CALN1: variants seen among roughly 807,000 people sequenced by gnomAD.
The protein encoded by CALN1 is calneuron 1.
Under a neutral mutation model 30.6 loss-of-function variants are expected in CALN1, and 17 were observed. The ratio of observed to expected loss-of-function variants is 0.56; its 90% CI spans 0.38 to 0.83. CALN1 has a LOEUF of 0.83. Among genes scored for constraint, CALN1 ranks in the 40% least tolerant of loss-of-function variants. The probability of loss-of-function intolerance (pLI) is 0.00; values close to 1 mark genes in which losing one functional copy is unlikely to be tolerated. For synonymous variants in CALN1, 156 were observed against 131.4 expected (o/e 1.19, Z -1.28); for missense variants, 291 against 354.9 (o/e 0.82, Z 1.45).
At chr7:72,466,543 A>C in the CALN1 span, among the ~76,000 whole-genome samples, 3 of 152,134 alleles carry the variant, frequency 2.0e-5, no homozygotes, top group Admixed American at 1.3e-4. Flanking sequence ...CAGGAGTTTG[A>C]GACCAGCCTG....
intron 5 of CALN1, among the ~76,000 whole-genome samples, chr7:71,876,627 G>C (rs1407304550): frequency 6.6e-6 from 1 of 152,090 alleles, no homozygotes; most frequent in African/African-American, 2.4e-5. Flanking sequence ...TGGTAAGGGG[G>C]GGAGAATGTG....
At chr7:72,248,777 G>A (rs1795356312) in intron 3 of CALN1, among the ~76,000 whole-genome samples, 1 of 151,594 alleles carries the variant, frequency 6.6e-6, no homozygotes, top group Admixed American at 6.6e-5. Flanking sequence ...TCTTTCGGGG[G>A]ACATTGTTCA....
At chr7:72,494,827 A>C in the CALN1 span, among the ~76,000 whole-genome samples, 317 of 152,250 alleles carry the variant, frequency 2.1e-3, no homozygotes, top group African/African-American at 7.1e-3. Flanking sequence ...TGATTGTGCC[A>C]CTGCACTCCA....
At chr7:72,278,960 G>A in intron 2 of CALN1, 150 bp from the exon 3 acceptor site, 1 of 1,174,568 alleles carries the variant, frequency 8.5e-7, no homozygotes, top group South Asian at 1.6e-5. Context: ...GATATTTCCA[G>A]GGTCCCAATG....
At chr7:72,021,319 T>C (rs1442210478) in intron 5 of CALN1, among the ~76,000 whole-genome samples, 5 of 151,830 alleles carry the variant, frequency 3.3e-5, no homozygotes, top group Non-Finnish European at 5.9e-5. Context: ...GGAGAATAGA[T>C]GGAGAATGAG....
At chr7:72,387,175 A>G (rs1407218785) in intron 2 of CALN1, among the ~76,000 whole-genome samples, 5 of 141,016 alleles carry the variant, frequency 3.5e-5, no homozygotes, top group Non-Finnish European at 6.2e-5. Flanking sequence ...ATGAAAATAC[A>G]TGATCAAACT....
chr7:72,163,952 G>GA (rs1230895891), intron 3 of CALN1, among the ~76,000 whole-genome samples: 1 of 151,810 alleles, frequency 6.6e-6, no homozygotes, highest in Non-Finnish European at 1.5e-5. Context: ...AAAGAAGAAA[G>GA]AAAGAAAAAA....
chr7:72,241,478 G>A (rs565668449), intron 3 of CALN1, among the ~76,000 whole-genome samples: 11 of 152,228 alleles, frequency 7.2e-5, no homozygotes, highest in South Asian at 2.1e-4. Context: ...AGGCCAAGGC[G>A]GGCAGATCAC....
At chr7:72,192,051 C>G (rs114349573) in intron 3 of CALN1, among the ~76,000 whole-genome samples, 1 of 152,156 alleles carries the variant, frequency 6.6e-6, no homozygotes, top group African/African-American at 2.4e-5. Flanking sequence ...AATTTCTTGG[C>G]GTACGGCCCC....
At chr7:72,312,838 A>G (rs1219224584) in intron 2 of CALN1, among the ~76,000 whole-genome samples, 2 of 149,054 alleles carry the variant, frequency 1.3e-5, no homozygotes, top group African/African-American at 4.9e-5. Context: ...CCCTATCATA[A>G]TTTTTTTTTT....
At chr7:71,893,775 G>A (rs955958723) in intron 5 of CALN1, among the ~76,000 whole-genome samples, 1 of 152,038 alleles carries the variant, frequency 6.6e-6, no homozygotes, top group African/African-American at 2.4e-5. Context: ...AATGCCGTGA[G>A]ATGAACCATT....
At chr7:71,951,995 C>T (rs529969239) in intron 5 of CALN1, among the ~76,000 whole-genome samples, 43 of 152,128 alleles carry the variant, frequency 2.8e-4, no homozygotes, top group African/African-American at 9.2e-4. Flanking sequence ...CTTGCCCAAA[C>T]CAACAGATGC....
chr7:71,816,454 A>G (rs1287640935), intron 5 of CALN1, among the ~76,000 whole-genome samples: 1 of 152,174 alleles, frequency 6.6e-6, no homozygotes, highest in Non-Finnish European at 1.5e-5. Context: ...GAGAACACCA[A>G]GACCCCCTGC....
chr7:71,862,781 A>G (rs929003709), intron 5 of CALN1, among the ~76,000 whole-genome samples: 2 of 152,212 alleles, frequency 1.3e-5, no homozygotes, highest in Non-Finnish European at 2.9e-5. Context: ...AAGTAAGGCA[A>G]TATGGTTACT....
chr7:72,379,977 G>A (rs537559778), intron 2 of CALN1, among the ~76,000 whole-genome samples: 1 of 152,284 alleles, frequency 6.6e-6, no homozygotes, highest in African/African-American at 2.4e-5. Context: ...CTCTTACCAT[G>A]CAAGAAACCA....
Position 72,338,525 on chromosome 7 carries a change from G to GTCTGTCTGTCTGTC in CALN1, c.120-59716_120-59715insGACAGACAGACAGA, listed in dbSNP as rs1554378748. Among the ~76,000 whole-genome samples the GTCTGTCTGTCTGTC allele has an allele frequency of 8.0e-4, 98 of 122,376 alleles. 1 individual carries two copies. The highest frequency in any genetic ancestry group is 2.9e-3 in the African/African-American group (93 of 32,092). The allele number at this position is 122,376 out of a possible 152,430, so 80.3% of individuals were successfully genotyped here. A position where few individuals can be genotyped will look rare whatever the true frequency, so the allele number is the denominator to read the frequency against. ...TGTGTGTGTGTGTGTGTGTGTGTGTGTGTCTCACCTGGGTGTGGTTTCAGA... is the reference window on the plus strand; with the variant it reads ...TGTGTGTGTGTGTGTGTGTGTGTGTGTCTGTCTGTCTGTCTGTCTCACCTGGGTGTGGTTTCAGA... On this transcript the variant is annotated intron_variant, in intron 2 of 6. Transcript: ENST00000395275.
chr7:71,994,289 A>C (rs1027774178), intron 5 of CALN1, among the ~76,000 whole-genome samples: 5 of 152,168 alleles, frequency 3.3e-5, no homozygotes, highest in Non-Finnish European at 7.4e-5. Context: ...AGGCAGGCGG[A>C]TCACCTGAGG....
At chr7:72,172,395 A>C (rs1230047845) in intron 3 of CALN1, among the ~76,000 whole-genome samples, 1 of 152,232 alleles carries the variant, frequency 6.6e-6, no homozygotes, top group Non-Finnish European at 1.5e-5. Flanking sequence ...TAGAGCCAGA[A>C]GGCTCACTAG....
At chr7:72,020,818 T>G (rs1040795015) in intron 5 of CALN1, among the ~76,000 whole-genome samples, 10 of 152,232 alleles carry the variant, frequency 6.6e-5, no homozygotes, top group African/African-American at 2.4e-4. Context: ...GTACACGCTC[T>G]ACTGTGATGA....
Sources: gnomAD v4.1 joint callset for allele counts (sites outside exome capture counted in the v4.1 genomes callset) on GRCh38, gnomAD v4.1.1 for gene constraint, MANE v1.5 for transcripts, NCBI Gene and HGNC (gene_info 2026-07-23, HGNC 2026-07-21) for gene names.